The following JAM3 variants were observed in gnomAD, a reference collection of about 807,000 sequenced individuals.
The protein encoded by JAM3 is junctional adhesion molecule C.
Under a neutral mutation model 39.4 loss-of-function variants are expected in JAM3, and 31 were observed. The ratio of observed to expected loss-of-function variants is 0.79; its 90% CI spans 0.59 to 1.06. The LOEUF (loss-of-function observed/expected upper bound fraction) is 1.06. Ranked by LOEUF, JAM3 falls within the 50% of genes least tolerant of loss-of-function variation. The pLI, the probability that JAM3 is intolerant of heterozygous loss-of-function variation, is 0.00. For missense variants in JAM3, 455 were observed against 391.4 expected, an observed-to-expected ratio of 1.16 and a Z score of -1.37; for synonymous variants, 182 against 148.7, an observed-to-expected ratio of 1.22 and a Z score of -1.63.
intron 1 of JAM3, among the ~76,000 whole-genome samples, chr11:134,090,449 A>C (rs1487742909): frequency 1.3e-5 from 2 of 152,156 alleles, no homozygotes; most frequent in Non-Finnish European, 2.9e-5. Context: ...GGAAATTCAC[A>C]TTTCGCTTGG....
intron 3 of JAM3, among the ~76,000 whole-genome samples, chr11:134,141,408 G>C: frequency 6.6e-6 from 1 of 152,026 alleles, no homozygotes; most frequent in Non-Finnish European, 1.5e-5. Flanking sequence ...GGGAAAGACT[G>C]GAAGTTCCCC....
Position 134,145,995 on chromosome 11 carries a change from C to T in JAM3, c.662C>T (p.Ala221Val), listed in dbSNP as rs755679060. Residue 221 changes from alanine to valine, a missense_variant, in exon 6 of 9, where the codon GCT becomes GTT. Ala to Val is a moderately conservative substitution (Grantham distance 64). Transcript: ENST00000299106. The stretch of plus-strand genomic sequence containing the variant: ...GACTCTGGGCAGTACTACTGCATTG[C>T]TTCCAATGACGCAGGCTCAGCCAGG... ...KDDSGQYYCIASNDAGSARCE... is the reference protein window; with the variant it reads ...KDDSGQYYCIVSNDAGSARCE... The T allele has an allele frequency of 3.1e-6, 5 of 1,614,106 alleles. No individual in the cohort carries two copies. The highest frequency in any genetic ancestry group is 4.2e-6 in the Non-Finnish European group (5 of 1,179,934).
intron 3 of JAM3, among the ~76,000 whole-genome samples, chr11:134,143,967 G>A (rs1284106378): frequency 6.6e-6 from 1 of 152,170 alleles, no homozygotes; most frequent in East Asian, 1.9e-4. Context: ...GAAATGAGGA[G>A]GAGGAGGTGA....
chr11:134,146,169 C>A (rs1943067393), intron 6 of JAM3, 124 bp downstream of exon 6: 2 of 741,636 alleles, frequency 2.7e-6, no homozygotes, highest in East Asian at 5.4e-5. Flanking sequence ...TCTGGAGCTG[C>A]CTAGGTCCAC....
chr11:134,125,720 T>C (rs1942636008), intron 1 of JAM3, among the ~76,000 whole-genome samples: 1 of 152,168 alleles, frequency 6.6e-6, no homozygotes, highest in Non-Finnish European at 1.5e-5. Flanking sequence ...CTCAGGAGAA[T>C]GTACAGCTCG....
chr11:134,086,375 T>C (rs1485709576), intron 1 of JAM3, among the ~76,000 whole-genome samples: 1 of 151,846 alleles, frequency 6.6e-6, no homozygotes, highest in Non-Finnish European at 1.5e-5. Context: ...TGGAAAAATA[T>C]TTTATCTAGA....
In JAM3 at chr11:134,148,817, A is replaced by T. The variant is rs759125261; in HGVS notation, c.896A>T (p.Glu299Val). Residue 299 changes from glutamate (E) to valine (V), a missense_variant and splice_region_variant, in exon 8 of 9, where the codon GAG becomes GTG. Glu to Val is a moderately radical substitution (Grantham distance 121). Coordinates refer to ENST00000299106, the MANE Select transcript of JAM3 (RefSeq NM_032801.5). Reference protein sequence around the residue: ...DGVNYIRTDEEGDFRHKSSFV... With the variant: ...DGVNYIRTDEVGDFRHKSSFV... ...GTTAACTACATCCGCACTGACGAGG[A>T]GGTAATCATTTAGTAAACCTGGAAA... is the stretch of plus-strand genomic sequence containing the variant. The T allele has an allele frequency of 2.5e-6, 4 of 1,614,074 alleles. No individual in the cohort carries two copies.
chr11:134,140,032 G>C (rs1483395237), intron 2 of JAM3, 116 bp downstream of exon 2: 12 of 843,318 alleles, frequency 1.4e-5, no homozygotes, highest in Middle Eastern at 2.1e-4. Context: ...TGTTCCGGGT[G>C]GACTGCTCTG....
chr11:134,092,312 T>C lies in JAM3; in HGVS notation c.76+23153T>C, dbSNP rs141392582. ...CATCATGTTCCACCTTAAACGTCAC[T>C]TCCTGAGGGAAGCTTCTCCTGAACC... On this transcript the variant is annotated intron_variant, in intron 1 of 8. Transcript: ENST00000299106. Among the ~76,000 whole-genome samples the C allele has an allele frequency of 6.9e-3, 1,049 of 150,952 alleles. 10 individuals carry two copies. Among genetic ancestry groups the C allele is most frequent in the African/African-American group, 0.024 (986 of 40,960 alleles).
intron 1 of JAM3, among the ~76,000 whole-genome samples, chr11:134,114,207 C>T (rs191861273): frequency 9.2e-5 from 14 of 152,292 alleles, no homozygotes; most frequent in African/African-American, 3.4e-4. Context: ...AATTAGATCC[C>T]ATTTGTCAAT....
At chr11:134,096,880 A>G (rs1941994292) in intron 1 of JAM3, among the ~76,000 whole-genome samples, 1 of 152,186 alleles carries the variant, frequency 6.6e-6, no homozygotes, top group South Asian at 2.1e-4. Flanking sequence ...ATAATTCACC[A>G]AATCTAGCAA....
chr11:134,145,032 T>G lies in JAM3; in HGVS notation c.612+38T>G, dbSNP rs373315880. The G allele has an allele frequency of 4.7e-6, 7 of 1,494,784 alleles. No homozygotes were observed. In the African/African-American group the frequency reaches 9.7e-5, roughly 21 times the overall value. The allele number at this position is 1,494,784 out of a possible 1,614,324, so 92.6% of individuals were successfully genotyped here. Reference sequence around the variant, plus strand: ...CTAAGAGGTGAGGATGGAGATGTCTTTGTTGGGGCAAGAGATGCTTATTGT... The same window carrying G: ...CTAAGAGGTGAGGATGGAGATGTCTGTGTTGGGGCAAGAGATGCTTATTGT... On this transcript the variant is annotated intron_variant, in intron 5 of 8. Transcript: ENST00000299106.
rs1943170742 is a variant in JAM3, at chr11:134,150,117, C to G, written c.*936C>G. 6.5e-6 allele frequency: 1 copy of G among 154,784 alleles called. No individual in the cohort carries two copies. Among genetic ancestry groups the G allele is most frequent in the African/African-American group, 2.4e-5 (1 of 41,456 alleles). 9.6% of individuals were successfully genotyped at this position (154,784 alleles called of 1,614,324 possible). ...AAGAGTATTTTACCCAAGGAATCCTCTCATGGAAGTTTACTGTGATGTTCC... is the reference window on the plus strand; with the variant it reads ...AAGAGTATTTTACCCAAGGAATCCTGTCATGGAAGTTTACTGTGATGTTCC... On this transcript the variant is annotated 3_prime_UTR_variant, in exon 9 of 9. Transcript: ENST00000299106.
intron 1 of JAM3, among the ~76,000 whole-genome samples, chr11:134,120,186 A>T (rs538750350): frequency 6.6e-6 from 1 of 152,364 alleles, no homozygotes; most frequent in South Asian, 2.1e-4. Context: ...TCTGCTGTGA[A>T]GGGTAAACAT....
In JAM3 at chr11:134,139,842, C is replaced by T. The variant is rs372036635; in HGVS notation, c.77-9C>T. 5.3e-5 allele frequency: 85 copies of T among 1,611,958 alleles called. No homozygotes were observed. The highest frequency in any genetic ancestry group is 7.0e-5 in the Non-Finnish European group (82 of 1,178,146). On this transcript the variant is annotated splice_polypyrimidine_tract_variant and intron_variant, in intron 1 of 8. Transcript: ENST00000299106. ...ATTGTCTCTGATTTTACTTTTCTTT[C>T]TCCTTCAGGCTGCCTGATAGGGGCT...
At chr11:134,145,020 A>T in intron 5 of JAM3, 26 bp downstream of exon 5, 1 of 1,555,618 alleles carries the variant, frequency 6.4e-7, no homozygotes, top group Non-Finnish European at 8.9e-7. Context: ...AGAGGTGAGG[A>T]TGGAGATGTC....
intron 1 of JAM3, among the ~76,000 whole-genome samples, chr11:134,078,306 G>GA (rs1365211345): frequency 4.6e-5 from 7 of 151,938 alleles, no homozygotes; most frequent in African/African-American, 1.7e-4. Context: ...TTTTAGTAGA[G>GA]ACGGGGTATC....
intron 1 of JAM3, among the ~76,000 whole-genome samples, chr11:134,087,933 A>G (rs1252118950): frequency 6.6e-6 from 1 of 152,212 alleles, no homozygotes; most frequent in Non-Finnish European, 1.5e-5. Context: ...GTTTAGTAAC[A>G]TCTCTGGCCT....
At chr11:134,077,882 C>A (rs1172624686) in intron 1 of JAM3, among the ~76,000 whole-genome samples, 1 of 151,810 alleles carries the variant, frequency 6.6e-6, no homozygotes, top group African/African-American at 2.4e-5. Context: ...GAACTCCTGA[C>A]CACAGGTGAT....
Sources: gnomAD v4.1 joint callset for allele counts (sites outside exome capture counted in the v4.1 genomes callset) on GRCh38, gnomAD v4.1.1 for gene constraint, MANE v1.5 for transcripts, NCBI Gene and HGNC (gene_info 2026-07-23, HGNC 2026-07-21) for gene names.